Variants in MSRA observed in about 807,000 individuals in gnomAD.
MSRA encodes methionine sulfoxide reductase A, also known as mitochondrial peptide methionine sulfoxide reductase.
A neutral mutation model predicts 31.3 loss-of-function variants in MSRA; 54 were observed. That is an observed-to-expected ratio of 1.73 (90% CI 1.39 to 2.17). MSRA has a LOEUF of 2.17. Ranked by LOEUF, MSRA falls within the 30% of genes most tolerant of loss-of-function variation. The pLI is 0.00. For synonymous variants in MSRA, 169 were observed against 116.5 expected, an observed-to-expected ratio of 1.45 and a Z score of -2.90; for missense variants, 507 against 300.9, an observed-to-expected ratio of 1.69 and a Z score of -5.07.
intron 3 of MSRA, among the ~76,000 whole-genome samples, chr8:10,270,407 GA>G (rs58968857): frequency 0.033 from 4,813 of 144,938 alleles, 134 homozygotes; most frequent in East Asian, 0.074. Context: ...GAAGCATACT[GA>G]AAAAAAAAAA....
intron 1 of MSRA, chr8:10,096,233 A>G: frequency 8.3e-7 from 1 of 1,208,154 alleles, no homozygotes; most frequent in Non-Finnish European, 1.0e-6. Flanking sequence ...GTCCTAAACT[A>G]CATCCCCCAG....
chr8:10,122,445 AATG>A (rs1801192771), intron 1 of MSRA, among the ~76,000 whole-genome samples: 2 of 152,168 alleles, frequency 1.3e-5, no homozygotes, highest in African/African-American at 4.8e-5. Context: ...CTGTGATGTA[AATG>A]ATGAATTGTG....
chr8:10,351,596 AG>A (rs1804153160), intron 5 of MSRA, among the ~76,000 whole-genome samples: 1 of 152,216 alleles, frequency 6.6e-6, no homozygotes, highest in Non-Finnish European at 1.5e-5. Context: ...AAAAAGTGAA[AG>A]GTTTCTGTGA....
chr8:10,310,987 G>T (rs1801403863), intron 4 of MSRA, among the ~76,000 whole-genome samples: 1 of 152,218 alleles, frequency 6.6e-6, no homozygotes, highest in Non-Finnish European at 1.5e-5. Flanking sequence ...ACATATCTTA[G>T]ATAGTAATGG....
intron 1 of MSRA, among the ~76,000 whole-genome samples, chr8:10,078,337 A>G (rs1271765534): frequency 6.6e-6 from 1 of 152,236 alleles, no homozygotes; most frequent in Non-Finnish European, 1.5e-5. Flanking sequence ...AGAGGTGTGT[A>G]TGAATGGTTG....
intron 1 of MSRA, among the ~76,000 whole-genome samples, chr8:10,084,594 A>AC (rs1382308918): frequency 6.6e-6 from 1 of 152,230 alleles, no homozygotes; most frequent in East Asian, 1.9e-4. Context: ...AAGTTACATG[A>AC]CCTTGGTCAA....
chr8:10,249,680 T>A (rs1024776324), intron 3 of MSRA, among the ~76,000 whole-genome samples: 1 of 152,108 alleles, frequency 6.6e-6, no homozygotes, highest in Non-Finnish European at 1.5e-5. Context: ...CAGGGTAGCA[T>A]CTCTCATGGC....
At chr8:10,328,950 G>C (rs1802534931) in intron 5 of MSRA, among the ~76,000 whole-genome samples, 8 of 152,138 alleles carry the variant, frequency 5.3e-5, no homozygotes, top group Admixed American at 5.2e-4. Context: ...CATGCTGCCT[G>C]GTTGAGGCTA....
chr8:10,295,719 G>A (rs997317930), intron 3 of MSRA, among the ~76,000 whole-genome samples: 2 of 152,144 alleles, frequency 1.3e-5, no homozygotes, highest in Non-Finnish European at 1.5e-5. Context: ...GGCACCCCCT[G>A]GAGAGGTGGA....
chr8:10,284,976 C>A (rs999381702), intron 3 of MSRA, among the ~76,000 whole-genome samples: 4 of 149,084 alleles, frequency 2.7e-5, no homozygotes, highest in African/African-American at 9.9e-5. Context: ...GCAACTTGAA[C>A]AAAGAATTTA....
intron 1 of MSRA, among the ~76,000 whole-genome samples, chr8:10,126,790 AGGCAT>A (rs1801532002): frequency 6.6e-6 from 1 of 152,262 alleles, no homozygotes; most frequent in Non-Finnish European, 1.5e-5. Flanking sequence ...CTGGGATTAC[AGGCAT>A]GAGCCACCAT....
At chr8:10,402,205 C>T (rs1010100465) in intron 5 of MSRA, among the ~76,000 whole-genome samples, 2 of 152,188 alleles carry the variant, frequency 1.3e-5, no homozygotes, top group Non-Finnish European at 2.9e-5. Flanking sequence ...CCCAGGGATT[C>T]ATCCCCTCCC....
intron 3 of MSRA, among the ~76,000 whole-genome samples, chr8:10,280,244 C>T (rs145790521): frequency 6.6e-6 from 1 of 151,666 alleles, no homozygotes; most frequent in East Asian, 1.9e-4. Flanking sequence ...ATAAAGTGTT[C>T]TATGCTTCAT....
At chr8:10,056,515 G>A (rs1416881919) in intron 1 of MSRA, among the ~76,000 whole-genome samples, 1 of 136,576 alleles carries the variant, frequency 7.3e-6, no homozygotes, top group Non-Finnish European at 1.6e-5. Flanking sequence ...CTGTATCTGG[G>A]CCAGTAAACT....
intron 1 of MSRA, among the ~76,000 whole-genome samples, chr8:10,116,207 C>T (rs1026205099): frequency 6.6e-6 from 1 of 152,186 alleles, no homozygotes; most frequent in Non-Finnish European, 1.5e-5. Context: ...GCCCAGGATG[C>T]CGTTGAGTGC....
At chr8:10,288,861 A>C (rs1430447638) in intron 3 of MSRA, among the ~76,000 whole-genome samples, 1 of 152,216 alleles carries the variant, frequency 6.6e-6, no homozygotes, top group East Asian at 1.9e-4. Context: ...AATGTGGCTA[A>C]TGTGCAGAAT....
chr8:10,393,732 A>T (rs1806913138), intron 5 of MSRA, among the ~76,000 whole-genome samples: 1 of 152,214 alleles, frequency 6.6e-6, no homozygotes, highest in South Asian at 2.1e-4. Flanking sequence ...GCCCCAAGTA[A>T]TGGAGTCAGC....
intron 5 of MSRA, among the ~76,000 whole-genome samples, chr8:10,321,595 C>T (rs1802045688): frequency 2.6e-5 from 4 of 152,160 alleles, no homozygotes; most frequent in Admixed American, 2.0e-4. Flanking sequence ...CTGCATTTAG[C>T]AACTCACTTC....
chr8:10,170,927 C>G (rs1048656564), intron 1 of MSRA, among the ~76,000 whole-genome samples: 21 of 152,184 alleles, frequency 1.4e-4, no homozygotes, highest in African/African-American at 5.1e-4. Flanking sequence ...ACTTCCTTTT[C>G]TTATTGTGCT....
Sources: gnomAD v4.1 joint callset for allele counts (sites outside exome capture counted in the v4.1 genomes callset) on GRCh38, gnomAD v4.1.1 for gene constraint, MANE v1.5 for transcripts, NCBI Gene and HGNC (gene_info 2026-07-23, HGNC 2026-07-21) for gene names.